Variants in PLA2G4E observed in about 807,000 individuals in gnomAD.
PLA2G4E encodes the protein phospholipase A2 group IVE, also known as cytosolic phospholipase A2 epsilon.
PLA2G4E carries 84 observed loss-of-function variants against 109.1 expected under a neutral mutation model. The ratio of observed to expected loss-of-function variants is 0.77; its 90% CI spans 0.65 to 0.92. The LOEUF (loss-of-function observed/expected upper bound fraction) is 0.92. PLA2G4E is among the 40% of genes least tolerant of loss of function. The pLI is 0.00. For synonymous variants in PLA2G4E, 469 were observed against 436.1 expected (o/e 1.08, Z -0.94); for missense variants, 1,057 against 1,076.6 (o/e 0.98, Z 0.25).
chr15:42,043,235 G>C (rs547721773), intron 1 of PLA2G4E, among the ~76,000 whole-genome samples: 1 of 152,294 alleles, frequency 6.6e-6, no homozygotes, highest in South Asian at 2.1e-4. Flanking sequence ...GCATGTGGGA[G>C]AGGCCTTCCG....
chr15:41,990,984 C>T (rs2068238244), intron 13 of PLA2G4E, among the ~76,000 whole-genome samples: 1 of 152,084 alleles, frequency 6.6e-6, no homozygotes, highest in East Asian at 1.9e-4. Flanking sequence ...TGTGCAAAGG[C>T]TACAGAACCT....
At chr15:42,004,293 C>T (rs1309290328) in intron 5 of PLA2G4E, among the ~76,000 whole-genome samples, 4 of 140,306 alleles carry the variant, frequency 2.9e-5, no homozygotes, top group East Asian at 2.0e-4. Flanking sequence ...CAGAGTGAGA[C>T]GAAAGAAAGA....
intron 1 of PLA2G4E, among the ~76,000 whole-genome samples, chr15:42,039,345 A>G (rs1889274684): frequency 6.6e-6 from 1 of 152,240 alleles, no homozygotes; most frequent in African/African-American, 2.4e-5. Flanking sequence ...ATTAGTAAAT[A>G]ATTGCATATT....
intron 12 of PLA2G4E, among the ~76,000 whole-genome samples, chr15:41,995,076 G>A (rs1194628775): frequency 1.3e-5 from 2 of 152,260 alleles, no homozygotes; most frequent in Non-Finnish European, 2.9e-5. Flanking sequence ...CACCAGGAAA[G>A]GCCAGGGCAT....
At position 42,002,264 on chromosome 15, in the gene PLA2G4E, C is replaced by CAAAAAAAAAAAAAAAA. The variant is rs71108143; in HGVS notation, c.609+374_609+389dup. ...TGGGCGACAGAGTGAGACCTTGTCTCAAAAAAAAAAAAAAAAAAAAAAAGG... is the reference window on the plus strand; with the variant it reads ...TGGGCGACAGAGTGAGACCTTGTCTCAAAAAAAAAAAAAAAAAAAAAAAAAAAAAAAAAAAAAAAGG... On this transcript the variant is annotated intron_variant, in intron 6 of 19. Transcript: ENST00000399518. Among the ~76,000 whole-genome samples, 223 of 73,182 alleles carry CAAAAAAAAAAAAAAAA rather than the reference C, an allele frequency of 3.0e-3. 14 individuals carry two copies. The highest frequency in any genetic ancestry group is 0.013 in the African/African-American group (218 of 16,150). 48.0% of individuals were successfully genotyped at this position (73,182 alleles called of 152,430 possible). A position where few individuals can be genotyped will look rare whatever the true frequency, so the allele number is the denominator to read the frequency against.
intron 17 of PLA2G4E, among the ~76,000 whole-genome samples, 171 bp from the exon 18 acceptor site, chr15:41,986,176 T>G (rs2068139314): frequency 6.6e-6 from 1 of 152,180 alleles, no homozygotes; most frequent in African/African-American, 2.4e-5. Flanking sequence ...CAGCGTTATC[T>G]TGGGCTTTTA....
chr15:42,016,877 C>T (rs1046815908), intron 1 of PLA2G4E, among the ~76,000 whole-genome samples: 1 of 152,232 alleles, frequency 6.6e-6, no homozygotes, highest in Non-Finnish European at 1.5e-5. Flanking sequence ...AGACTTGGGC[C>T]AAAAGCCATG....
At position 41,997,191 on chromosome 15, in the gene PLA2G4E, C is replaced by T. The variant is rs1288593881; in HGVS notation, c.1043G>A (p.Arg348Gln). The T allele has an allele frequency of 3.9e-6, 6 of 1,556,934 alleles. No individual in the cohort carries two copies. Among genetic ancestry groups the T allele is most frequent in the Middle Eastern group, 1.7e-4 (1 of 6,016 alleles). ...CAGGGCCTTGGCCACCACGACCTTCCGCTTCTGCAGAAACTCCAGCTCTGC... is the reference window on the plus strand; with the variant it reads ...CAGGGCCTTGGCCACCACGACCTTCTGCTTCTGCAGAAACTCCAGCTCTGC... The change falls in exon 11 of 20, where the codon CGG becomes CAG. Residue 348 changes from arginine to glutamine, a missense_variant. Arg to Gln is a conservative substitution (Grantham distance 43, BLOSUM62 1). Transcript: ENST00000399518.
intron 13 of PLA2G4E, among the ~76,000 whole-genome samples, chr15:41,992,256 T>G (rs1181278736): frequency 6.6e-6 from 1 of 152,172 alleles, no homozygotes; most frequent in African/African-American, 2.4e-5. Context: ...GCAGGGATAC[T>G]GAGGCTGGCC....
chr15:42,038,575 G>A (rs147889002), intron 1 of PLA2G4E, among the ~76,000 whole-genome samples: 1 of 152,330 alleles, frequency 6.6e-6, no homozygotes, highest in East Asian at 1.9e-4. Context: ...TGATCTGACA[G>A]GAGGCAGAGC....
chr15:41,995,405 A>T, exon 12 of PLA2G4E: 1 of 1,613,662 alleles, frequency 6.2e-7, no homozygotes, highest in Non-Finnish European at 8.5e-7. Flanking sequence ...ACAGTCCAGG[A>T]GGTTCAGCTT....
At chr15:42,025,247 G>A (rs2068683660) in intron 1 of PLA2G4E, among the ~76,000 whole-genome samples, 1 of 151,188 alleles carries the variant, frequency 6.6e-6, no homozygotes. Flanking sequence ...AAAGAGGAAA[G>A]AAACATGAAA....
At chr15:41,989,248 A>G (rs1434445760) in intron 15 of PLA2G4E, among the ~76,000 whole-genome samples, 167 bp downstream of exon 15, 1 of 152,150 alleles carries the variant, frequency 6.6e-6, no homozygotes, top group Non-Finnish European at 1.5e-5. Flanking sequence ...AGACCAGGAA[A>G]TTGGGAGAGC....
chr15:42,039,096 A>G (rs901641681), intron 1 of PLA2G4E, among the ~76,000 whole-genome samples: 3 of 152,024 alleles, frequency 2.0e-5, no homozygotes, highest in Non-Finnish European at 4.4e-5. Flanking sequence ...CATTGACTCC[A>G]CCCACTTCCC....
chr15:42,005,906 C>A, intron 4 of PLA2G4E, 84 bp downstream of exon 4: 1 of 1,495,208 alleles, frequency 6.7e-7, no homozygotes, highest in Non-Finnish European at 9.2e-7. Context: ...CAGAGAAGAC[C>A]CTGGGGAATG....
intron 7 of PLA2G4E, 103 bp downstream of exon 7, chr15:42,001,054 C>T (rs138560173): frequency 1.6e-6 from 2 of 1,262,594 alleles, no homozygotes; most frequent in African/African-American, 1.5e-5. Flanking sequence ...TTTGGTCCCC[C>T]TGAGCCCAGG....
At chr15:42,005,920 T>C in intron 4 of PLA2G4E, 70 bp downstream of exon 4, 2 of 1,541,098 alleles carry the variant, frequency 1.3e-6, no homozygotes, top group Non-Finnish European at 1.8e-6. Context: ...GGGAATGGCT[T>C]TGTGGGAATC....
intron 1 of PLA2G4E, among the ~76,000 whole-genome samples, chr15:42,044,242 G>C (rs1012195027): frequency 6.6e-6 from 1 of 152,178 alleles, no homozygotes; most frequent in Non-Finnish European, 1.5e-5. Flanking sequence ...AACGGATTCT[G>C]ATTTGGGGAG....
At chr15:42,022,234 A>T (rs565438306) in intron 1 of PLA2G4E, among the ~76,000 whole-genome samples, 4 of 152,274 alleles carry the variant, frequency 2.6e-5, no homozygotes, top group African/African-American at 9.6e-5. Context: ...CTGTGGTGAG[A>T]GGGGGCATCT....
Sources: allele counts gnomAD v4.1 joint callset (sites outside exome capture counted in the v4.1 genomes callset), GRCh38; gene constraint gnomAD v4.1.1; transcripts MANE v1.5; gene names NCBI Gene and HGNC (gene_info 2026-07-23, HGNC 2026-07-21).